Variants in MACF1 observed in about 807,000 individuals in gnomAD.
MACF1 encodes the protein microtubule-actin cross-linking factor 1.
A neutral mutation model predicts 854.8 loss-of-function variants in MACF1; 193 were observed. The ratio of observed to expected loss-of-function variants is 0.23; its 90% CI spans 0.20 to 0.25. MACF1 has a LOEUF of 0.25. MACF1 is among the 10% of genes least tolerant of loss of function. The pLI is 1.00. For synonymous variants in MACF1, 3,185 were observed against 3,226.7 expected (o/e 0.99, Z 0.44); for missense variants, 7,722 against 8,929.1 (o/e 0.86, Z 5.45).
chr1:39,276,360 G>T (rs1321849152), intron 6 of MACF1, among the ~76,000 whole-genome samples: 1 of 152,116 alleles, frequency 6.6e-6, no homozygotes, highest in Non-Finnish European at 1.5e-5. Context: ...GACTTACCAA[G>T]TCCAAACTCC....
chr1:39,187,317 T>C (rs1269677863), intron 2 of MACF1, among the ~76,000 whole-genome samples: 1 of 152,196 alleles, frequency 6.6e-6, no homozygotes, highest in East Asian at 1.9e-4. Context: ...CTAAGACTTC[T>C]CTCTCAGTAT....
chr1:39,146,842 A>G (rs1168722788), intron 2 of MACF1, among the ~76,000 whole-genome samples: 1 of 152,184 alleles, frequency 6.6e-6, no homozygotes. Flanking sequence ...AATAACTAAA[A>G]GAGTTTAATT....
chr1:39,476,312 T>TGTAA (rs1382320053), intron 97 of MACF1, among the ~76,000 whole-genome samples: 1 of 152,208 alleles, frequency 6.6e-6, no homozygotes, highest in Admixed American at 6.5e-5. Flanking sequence ...GGCTCATGCC[T>TGTAA]GTAATCCCAG....
In MACF1 at chr1:39,450,610, C is replaced by CTT. The variant is rs11398407; in HGVS notation, c.20259-424_20259-423dup. ...CTCTCAGTCACTTTTTACTCTATTT[C>CTT]TTTTTTTTTTTTTTTTTTTGAGATG... On this transcript the variant is annotated intron_variant, in intron 84 of 100. Transcript: ENST00000564288. Among the ~76,000 whole-genome samples, 784 of 115,250 alleles carry CTT rather than the reference C, an allele frequency of 6.8e-3. 20 individuals carry two copies. The highest frequency in any genetic ancestry group is 9.8e-3 in the African/African-American group (305 of 31,278). The allele number at this position is 115,250 out of a possible 152,430, so 75.6% of individuals were successfully genotyped here. A position where few individuals can be genotyped will look rare whatever the true frequency, so the allele number is the denominator to read the frequency against.
chr1:39,100,596 G>C (rs2148130237), intron 2 of MACF1, among the ~76,000 whole-genome samples: 1 of 152,304 alleles, frequency 6.6e-6, no homozygotes, highest in Admixed American at 6.5e-5. Flanking sequence ...GCTCATGCCT[G>C]TAATCCCAGA....
chr1:39,336,595 C>T lies in MACF1; in HGVS notation c.10007C>T (p.Thr3336Ile), dbSNP rs770388683. 6.2e-7 allele frequency: 1 copy of T among 1,613,828 alleles called. No homozygotes were observed. Among genetic ancestry groups the T allele is most frequent in the Non-Finnish European group, 8.5e-7 (1 of 1,179,986 alleles). ...SPGSEQTPFM[T>I]APEGKGNGGV... ...GGCAGTGAACAAACTCCCTTCATGACTGCACCTGAAGGAAAGGGAAATGGA... is the reference window on the plus strand; with the variant it reads ...GGCAGTGAACAAACTCCCTTCATGATTGCACCTGAAGGAAAGGGAAATGGA... Residue 3336 changes from threonine to isoleucine, a missense_variant, in exon 37 of 101, where the codon ACT becomes ATT. Thr to Ile is a moderately conservative substitution (Grantham distance 89, BLOSUM62 -1). Transcript: ENST00000564288.
chr1:39,393,196 A>AAAAAAAAAAAAAAATATATAT, intron 58 of MACF1, among the ~76,000 whole-genome samples: 1 of 66,566 alleles, frequency 1.5e-5, no homozygotes, highest in South Asian at 4.2e-4. Context: ...AAAAAAAAAA[A>AAAAAAAAAAAAAAATATATAT]ATATATATAT....
intron 2 of MACF1, among the ~76,000 whole-genome samples, chr1:39,176,109 C>CA (rs773763271): frequency 0.039 from 517 of 13,340 alleles, 142 homozygotes; most frequent in South Asian, 0.2. Context: ...GACTCCTTCT[C>CA]AAAAAAAAAA....
At chr1:39,188,623 T>G (rs568129590) in intron 2 of MACF1, among the ~76,000 whole-genome samples, 7 of 152,242 alleles carry the variant, frequency 4.6e-5, no homozygotes, top group Admixed American at 1.3e-4. Flanking sequence ...TGTCAAAGTT[T>G]ATTGATTGAT....
At chr1:39,351,057 G>C (rs760194999) in intron 43 of MACF1, 39 bp downstream of exon 43, 1 of 1,474,802 alleles carries the variant, frequency 6.8e-7, no homozygotes, top group Non-Finnish European at 9.3e-7. Context: ...TTTCAAAAAA[G>C]AAAATTTTGG....
In MACF1 at chr1:39,442,176, A is replaced by T. The variant is rs751072115; in HGVS notation, c.18804A>T (p.Gln6268His). 7 of 1,596,482 alleles carry T rather than the reference A, an allele frequency of 4.4e-6. No homozygotes were observed. The highest frequency in any genetic ancestry group is 3.4e-4 in the Middle Eastern group (2 of 5,932). Residue 6268 changes from glutamine to histidine, a missense_variant, in exon 76 of 101, where the codon CAA (glutamine) becomes CAT (histidine). Physicochemically the swap from Gln to His is conservative, Grantham distance 24. This residue lies in a region of MACF1 where 2,807 missense variants were observed against 3,235.8 expected (regional missense o/e 0.87). Coordinates refer to ENST00000564288, the MANE Select transcript of MACF1 (RefSeq NM_001394062.1). ...KEFKVEVYQQ[Q>H]IEMEKLNHQG... The stretch of plus-strand genomic sequence containing the variant: ...TCAAAGTAGAAGTTTACCAACAGCA[A>T]ATTGAGATGGAGAAGCTTAATCACC...
chr1:39,220,480 A>AT (rs1557525571), intron 1 of MACF1, among the ~76,000 whole-genome samples: 4,054 of 52,434 alleles, frequency 0.077, 210 homozygotes, highest in African/African-American at 0.17. Context: ...GCCTTTAATG[A>AT]ATTTTTTTTT....
intron 84 of MACF1, among the ~76,000 whole-genome samples, chr1:39,449,284 G>T (rs936093112): frequency 1.3e-5 from 2 of 152,202 alleles, no homozygotes; most frequent in African/African-American, 4.8e-5. Flanking sequence ...CAGCTACCCT[G>T]TTGGCAGAGC....
intron 58 of MACF1, among the ~76,000 whole-genome samples, chr1:39,402,736 T>C (rs1306473104): frequency 2.6e-5 from 4 of 152,248 alleles, no homozygotes; most frequent in Non-Finnish European, 2.9e-5. Context: ...TAGATATTCA[T>C]TGGCTTCCTA....
chr1:39,374,887 G>A (rs1363430285), intron 52 of MACF1, among the ~76,000 whole-genome samples: 1 of 152,118 alleles, frequency 6.6e-6, no homozygotes, highest in Non-Finnish European at 1.5e-5. Context: ...GAGACGGGTG[G>A]ATCATGAGGT....
intron 2 of MACF1, chr1:39,103,167 C>T (rs1166798098): frequency 5.1e-6 from 2 of 392,418 alleles, no homozygotes; most frequent in African/African-American, 4.1e-5. Context: ...AACCCCTTGC[C>T]TTCTCCCTGC....
intron 2 of MACF1, among the ~76,000 whole-genome samples, chr1:39,193,430 A>G (rs950016879): frequency 3.9e-5 from 6 of 152,226 alleles, no homozygotes; most frequent in East Asian, 1.9e-4. Context: ...GAGCTGTTCA[A>G]TACCACACAT....
intron 2 of MACF1, among the ~76,000 whole-genome samples, chr1:39,119,100 C>A (rs530765794): frequency 6.6e-6 from 1 of 152,144 alleles, no homozygotes; most frequent in South Asian, 2.1e-4. Context: ...GGGCAGATCA[C>A]CTGAGATCAG....
At chr1:39,103,033 TCTC>T (rs900655362) in intron 2 of MACF1, 10 of 688,636 alleles carry the variant, frequency 1.5e-5, no homozygotes, top group Non-Finnish European at 2.7e-5. Context: ...TATTTCAAAA[TCTC>T]CTGGGAGCAT....
Sources: gnomAD v4.1 joint callset for allele counts (sites outside exome capture counted in the v4.1 genomes callset) on GRCh38, gnomAD v4.1.1 for gene constraint, gnomAD v4.1.1 regional missense constraint, MANE v1.5 for transcripts, NCBI Gene and HGNC (gene_info 2026-07-23, HGNC 2026-07-21) for gene names.